Variants in DCDC2C observed in about 807,000 individuals in gnomAD.
DCDC2C encodes doublecortin domain containing 2C.
A neutral mutation model predicts 45.0 loss-of-function variants in DCDC2C; 44 were observed. The ratio of observed to expected loss-of-function variants is 0.98; its 90% confidence interval spans 0.77 to 1.26. The LOEUF (loss-of-function observed/expected upper bound fraction) is 1.26. Among genes scored for constraint, DCDC2C ranks in the 50% most tolerant of loss-of-function variants. DCDC2C has a pLI of 0.00. For synonymous variants in DCDC2C, 187 were observed against 178.8 expected (o/e 1.05, Z -0.37); for missense variants, 447 against 468.9 (o/e 0.95, Z 0.43).
chr2:3,749,016 A>T (rs1385093954), intron 4 of DCDC2C, among the ~76,000 whole-genome samples: 1 of 152,190 alleles, frequency 6.6e-6, no homozygotes, highest in African/African-American at 2.4e-5. Context: ...CTTGAAAAGG[A>T]AGCTCATTAA....
At chr2:3,766,996 C>G (rs1193566256) in intron 6 of DCDC2C, among the ~76,000 whole-genome samples, 3 of 152,250 alleles carry the variant, frequency 2.0e-5, no homozygotes. Context: ...GCCACATGCC[C>G]TCTGCAGTGG....
At position 3,776,677 on chromosome 2, in the gene DCDC2C, A is replaced by G. The variant is rs1471740793; in HGVS notation, c.955-2139A>G. Among the ~76,000 whole-genome samples the G allele has an allele frequency of 2.0e-5, 3 of 152,226 alleles. No homozygotes were observed. In the East Asian group the frequency reaches 5.8e-4, roughly 29 times the overall value. On this transcript the variant is annotated intron_variant, in intron 8 of 10. Coordinates refer to ENST00000399143, the MANE Select transcript of DCDC2C (RefSeq NM_001287444.2). ...AGGGCATCTTCTCCTCTCACTCTGG[A>G]TGTCCTCTCTATGTGATATAAAATT...
intron 8 of DCDC2C, among the ~76,000 whole-genome samples, chr2:3,770,877 G>T (rs1315568035): frequency 1.3e-5 from 2 of 152,226 alleles, no homozygotes; most frequent in African/African-American, 4.8e-5. Flanking sequence ...GCACTAATGT[G>T]AGGTGAGAGG....
chr2:3,777,628 C>T (rs1333975055), intron 8 of DCDC2C, among the ~76,000 whole-genome samples: 1 of 152,152 alleles, frequency 6.6e-6, no homozygotes, highest in Non-Finnish European at 1.5e-5. Context: ...GAGTTTTATT[C>T]ATTGCGACTG....
rs1668131454 is a variant in DCDC2C at position 3,708,673 on chromosome 2, G to A, written c.339+73G>A. The A allele has an allele frequency of 5.9e-6, 7 of 1,192,830 alleles. No homozygotes were observed. The Admixed American group carries it at 1.5e-4, about 26-fold the overall frequency. 73.9% of individuals were successfully genotyped at this position (1,192,830 alleles called of 1,614,324 possible). On this transcript the variant is annotated intron_variant, in intron 2 of 10. Coordinates refer to ENST00000399143, the MANE Select transcript of DCDC2C (RefSeq NM_001287444.2). ...TGGTAAAAATTTAAATGTCGGCACG[G>A]AATAATTGAAGTTTCACAGAAGCAG...
chr2:3,822,225 A>G (rs529894355), intron 10 of DCDC2C, among the ~76,000 whole-genome samples: 1 of 152,374 alleles, frequency 6.6e-6, no homozygotes, highest in South Asian at 2.1e-4. Flanking sequence ...TAGAATTCAC[A>G]AGTGAAGCCA....
chr2:3,741,609 C>T (rs886093805), intron 3 of DCDC2C, among the ~76,000 whole-genome samples: 4 of 152,080 alleles, frequency 2.6e-5, no homozygotes, highest in African/African-American at 9.7e-5. Context: ...TGTTTCGCAA[C>T]CACTATTAAC....
intron 4 of DCDC2C, chr2:3,752,428 A>G (rs888698758): frequency 2.2e-4 from 72 of 331,286 alleles, no homozygotes; most frequent in African/African-American, 1.5e-3. Context: ...TGTTATAACA[A>G]TGTGGGCCAA....
rs1210954499 is a variant in DCDC2C at position 3,727,037 on chromosome 2, C to CT, written c.376dup (p.Ser126PhefsTer34). 3.2e-6 allele frequency: 5 copies of CT among 1,550,324 alleles called. No individual in the cohort carries two copies. The highest frequency in any genetic ancestry group is 4.4e-6 in the Non-Finnish European group (5 of 1,146,962). On this transcript the variant is annotated frameshift_variant, in exon 3 of 11. Coordinates refer to ENST00000399143, the MANE Select transcript of DCDC2C (RefSeq NM_001287444.2). LOFTEE classifies it high-confidence loss of function. ...GTGGTGCATTGTGATATAAATGTGC[C>CT]TTCCAAGTGGCAAACATATCATCGT...
At chr2:3,746,475 T>C (rs357977) in intron 4 of DCDC2C, among the ~76,000 whole-genome samples, 113,847 of 152,036 alleles carry the variant, frequency 0.75, 42,955 homozygotes, top group East Asian at 0.87. Flanking sequence ...TGCCTGAGGT[T>C]GACAATTCTG....
intron 10 of DCDC2C, among the ~76,000 whole-genome samples, chr2:3,815,182 T>A (rs554365646): frequency 2.0e-5 from 3 of 152,304 alleles, no homozygotes; most frequent in Admixed American, 1.3e-4. Flanking sequence ...ACAAGTGGGA[T>A]CTTCTGATCT....
intron 6 of DCDC2C, among the ~76,000 whole-genome samples, chr2:3,755,468 G>A (rs565505328): frequency 1.1e-4 from 1 of 9,466 alleles, no homozygotes; most frequent in South Asian, 0.028. Context: ...TGTGTGTATG[G>A]AGACATGTGT....
intron 10 of DCDC2C, among the ~76,000 whole-genome samples, chr2:3,845,042 A>G (rs1334131131): frequency 1.3e-5 from 2 of 152,212 alleles, no homozygotes; most frequent in African/African-American, 4.8e-5. Flanking sequence ...TATGCCTTCT[A>G]TGTCCTAAAT....
At chr2:3,779,670 G>A (rs1670456481) in intron 9 of DCDC2C, among the ~76,000 whole-genome samples, 1 of 152,208 alleles carries the variant, frequency 6.6e-6, no homozygotes, top group African/African-American at 2.4e-5. Context: ...TCGCACAGGA[G>A]GCTGTGTAAT....
At chr2:3,755,361 A>T (rs1669666126) in intron 6 of DCDC2C, among the ~76,000 whole-genome samples, 1 of 147,766 alleles carries the variant, frequency 6.8e-6, no homozygotes, top group African/African-American at 2.4e-5. Flanking sequence ...GTGTGTATGC[A>T]TGTGTGTATG....
At chr2:3,839,163 G>C (rs1672151434) in intron 10 of DCDC2C, among the ~76,000 whole-genome samples, 1 of 152,148 alleles carries the variant, frequency 6.6e-6, no homozygotes, top group Non-Finnish European at 1.5e-5. Flanking sequence ...GCAGTTCCCT[G>C]TAAGGACTTG....
chr2:3,737,328 G>A (rs1238015123), intron 3 of DCDC2C, among the ~76,000 whole-genome samples: 8 of 152,172 alleles, frequency 5.3e-5, no homozygotes, highest in African/African-American at 7.2e-5. Context: ...AGCATTAGGC[G>A]ACCTTCACCC....
chr2:3,752,480 C>A, intron 4 of DCDC2C: 1 of 413,330 alleles, frequency 2.4e-6, no homozygotes. Context: ...ATTAATTGAA[C>A]ACTAACCAAG....
chr2:3,756,460 G>A (rs1445187889), intron 6 of DCDC2C, among the ~76,000 whole-genome samples: 1 of 152,096 alleles, frequency 6.6e-6, no homozygotes, highest in African/African-American at 2.4e-5. Flanking sequence ...CTTTTCTGCT[G>A]TTGCAGCTCA....
Sources: gnomAD v4.1 joint callset for allele counts (sites outside exome capture counted in the v4.1 genomes callset) on GRCh38, gnomAD v4.1.1 for gene constraint, MANE v1.5 for transcripts, NCBI Gene and HGNC (gene_info 2026-07-23, HGNC 2026-07-21) for gene names.